The following PALM2AKAP2 variants were observed in gnomAD, a reference collection of about 807,000 sequenced individuals.
The protein encoded by PALM2AKAP2 is PALM2 and AKAP2 fusion.
In PALM2AKAP2, 37 loss-of-function variants were observed where a neutral mutation model predicts 71.5. The observed-to-expected ratio is 0.52, with a 90% CI of 0.40 to 0.68. The LOEUF is 0.68. Ranked by LOEUF, PALM2AKAP2 falls within the 30% of genes least tolerant of loss-of-function variation. The pLI is 0.00. For synonymous variants in PALM2AKAP2, 468 were observed against 478.8 expected (o/e 0.98, Z 0.29); for missense variants, 1,224 against 1,191.8 (o/e 1.03, Z -0.40).
chr9:109,872,685 A>G (rs180822097), intron 2 of PALM2AKAP2, among the ~76,000 whole-genome samples: 12 of 152,338 alleles, frequency 7.9e-5, no homozygotes, highest in Admixed American at 3.3e-4. Context: ...TGACCCTGTG[A>G]AATATTTGTT....
At chr9:109,922,845 T>A (rs1564212376) in intron 3 of PALM2AKAP2, among the ~76,000 whole-genome samples, 1 of 152,214 alleles carries the variant, frequency 6.6e-6, no homozygotes, top group Non-Finnish European at 1.5e-5. Context: ...CAAGGCTCTG[T>A]GGCACTAAAG....
intron 1 of PALM2AKAP2, among the ~76,000 whole-genome samples, chr9:109,744,604 A>G (rs1360392192): frequency 6.6e-6 from 1 of 152,208 alleles, no homozygotes; most frequent in African/African-American, 2.4e-5. Context: ...CTATTTTAAC[A>G]TCTCATTTGA....
intron 1 of PALM2AKAP2, among the ~76,000 whole-genome samples, chr9:109,663,964 T>A (rs1325584284): frequency 6.6e-6 from 1 of 152,226 alleles, no homozygotes; most frequent in African/African-American, 2.4e-5. Flanking sequence ...TCTCTTTTGA[T>A]CTTTGTTGGT....
intron 1 of PALM2AKAP2, among the ~76,000 whole-genome samples, chr9:109,710,419 G>T (rs972259599): frequency 6.6e-6 from 1 of 152,202 alleles, no homozygotes; most frequent in African/African-American, 2.4e-5. Flanking sequence ...AGAAACCAGA[G>T]CCCAAATCCA....
intron 3 of PALM2AKAP2, among the ~76,000 whole-genome samples, chr9:110,163,467 C>T (rs889584977): frequency 3.9e-5 from 6 of 152,210 alleles, no homozygotes; most frequent in Admixed American, 3.9e-4. Context: ...TAAGCCCTCT[C>T]GTACTTCTCC....
chr9:109,772,567 C>A (rs1829285041), intron 1 of PALM2AKAP2, among the ~76,000 whole-genome samples: 1 of 152,232 alleles, frequency 6.6e-6, no homozygotes, highest in Non-Finnish European at 1.5e-5. Flanking sequence ...CTGCTACACT[C>A]TTTTCTGCGT....
chr9:109,773,482 C>G (rs1829303726), intron 1 of PALM2AKAP2, among the ~76,000 whole-genome samples: 2 of 152,176 alleles, frequency 1.3e-5, no homozygotes, highest in Non-Finnish European at 2.9e-5. Context: ...CAGCATGTCC[C>G]TAAGCCCTAC....
At chr9:110,060,541 T>C (rs967718201) in intron 1 of PALM2AKAP2, among the ~76,000 whole-genome samples, 10 of 152,208 alleles carry the variant, frequency 6.6e-5, no homozygotes, top group African/African-American at 2.4e-4. Context: ...CAACTGGTGC[T>C]GAGACAGCTG....
At chr9:109,988,407 C>T (rs1004815534) in intron 6 of PALM2AKAP2, among the ~76,000 whole-genome samples, 2 of 152,114 alleles carry the variant, frequency 1.3e-5, no homozygotes, top group East Asian at 1.9e-4. Flanking sequence ...TATTCTGTAA[C>T]ATTTTTGAGT....
At chr9:109,734,951 A>G (rs2475430) in intron 1 of PALM2AKAP2, among the ~76,000 whole-genome samples, 69,312 of 151,554 alleles carry the variant, frequency 0.46, 16,128 homozygotes, top group East Asian at 0.5. Flanking sequence ...CATCTTGTCA[A>G]ACATATTTAC....
In PALM2AKAP2 at chr9:110,094,177, A is replaced by G. The variant is rs549555823; in HGVS notation, c.157-41950A>G. ...GTTGGATACATCTGTTTTTAGTCTT[A>G]TCTTCACCACTAGGCTGAGGCCCAT... is the stretch of plus-strand genomic sequence containing the variant. On this transcript the variant is annotated intron_variant, in intron 1 of 3. Transcript: ENST00000374525. 3.9e-4 allele frequency among the ~76,000 whole-genome samples: 60 copies of G among 152,324 alleles called. No individual in the cohort carries two copies. The South Asian group carries it at 0.012, about 30-fold the overall frequency.
At chr9:109,919,236 C>T (rs1830766973) in intron 3 of PALM2AKAP2, among the ~76,000 whole-genome samples, 1 of 152,202 alleles carries the variant, frequency 6.6e-6, no homozygotes, top group African/African-American at 2.4e-5. Flanking sequence ...GGGGTGCTCC[C>T]ATTTCCCCTT....
intron 1 of PALM2AKAP2, among the ~76,000 whole-genome samples, chr9:109,722,535 G>T (rs1828420551): frequency 6.6e-6 from 1 of 152,154 alleles, no homozygotes; most frequent in South Asian, 2.1e-4. Context: ...ACTTTGGTAG[G>T]CTGAGATAGG....
chr9:109,780,024 C>T (rs1278283232), upstream of PALM2AKAP2, among the ~76,000 whole-genome samples: 1 of 151,552 alleles, frequency 6.6e-6, no homozygotes, highest in Non-Finnish European at 1.5e-5. Context: ...GCCCCAGGTG[C>T]CCACTGGCTC....
rs564765702 is a variant in PALM2AKAP2, at chr9:109,809,338, T to TC, written c.45+28806dup. 9.3e-4 allele frequency among the ~76,000 whole-genome samples: 141 copies of TC among 152,318 alleles called. 1 individual carries two copies. The highest frequency in any genetic ancestry group is 3.4e-3 in the Middle Eastern group (1 of 294). On this transcript the variant is annotated intron_variant, in intron 1 of 9. Coordinates refer to the PALM2AKAP2 transcript ENST00000302798. ...AGGCCATGGGAACCCACCTCTTGCA[T>TC]CAGCGTGACCTGGATGTGAGACATG...
chr9:110,004,220 G>T (rs896508105), intron 6 of PALM2AKAP2, among the ~76,000 whole-genome samples: 5 of 152,100 alleles, frequency 3.3e-5, no homozygotes, highest in Non-Finnish European at 7.4e-5. Flanking sequence ...TTTAGGGCAG[G>T]CCTGGTGGTG....
intron 1 of PALM2AKAP2, among the ~76,000 whole-genome samples, chr9:109,647,842 T>C (rs1827174988): frequency 6.6e-6 from 1 of 152,222 alleles, no homozygotes; most frequent in Non-Finnish European, 1.5e-5. Flanking sequence ...TTACAGTTCA[T>C]CAAATTTAGA....
chr9:110,005,976 G>A (rs1832772747), intron 6 of PALM2AKAP2, among the ~76,000 whole-genome samples: 1 of 152,124 alleles, frequency 6.6e-6, no homozygotes, highest in Admixed American at 6.5e-5. Context: ...GCACTTCCCA[G>A]GTGAGGCAAT....
intron 1 of PALM2AKAP2, among the ~76,000 whole-genome samples, chr9:109,832,399 C>T (rs564929155): frequency 3.3e-5 from 5 of 152,142 alleles, no homozygotes; most frequent in Admixed American, 6.5e-5. Flanking sequence ...GAGGTGTGAA[C>T]GAGCCATTTG....
Sources: gnomAD v4.1 joint callset for allele counts (sites outside exome capture counted in the v4.1 genomes callset) on GRCh38, gnomAD v4.1.1 for gene constraint, MANE v1.5 for transcripts, NCBI Gene and HGNC (gene_info 2026-07-23, HGNC 2026-07-21) for gene names.